Variants in FRMD7 observed in about 807,000 individuals in gnomAD.
The protein encoded by FRMD7 is FERM domain-containing protein 7.
In FRMD7, 14 loss-of-function variants were observed where a neutral mutation model predicts 44.1. The ratio of observed to expected loss-of-function variants is 0.32; its 90% confidence interval spans 0.21 to 0.50. The LOEUF (loss-of-function observed/expected upper bound fraction) is 0.50, where lower values mean the gene tolerates loss of function less well. FRMD7 is among the 20% of genes least tolerant of loss of function. The pLI is 0.99. For synonymous variants in FRMD7, 212 were observed against 187.4 expected, an observed-to-expected ratio of 1.13 and a Z score of -1.07; for missense variants, 501 against 522.3, an observed-to-expected ratio of 0.96 and a Z score of 0.40.
intron 4 of FRMD7, among the ~76,000 whole-genome samples, chrX:132,095,850 GTTGCTAAAGGAAAGGTGAATTTCGTT>G (rs756247641): frequency 8.4e-4 from 95 of 112,553 alleles, no homozygotes; most frequent in African/African-American, 2.8e-3. Flanking sequence ...ATCAGCTTTA[GTTGCTAAAGGAAAGGTGAATTTCGTT>G]TTGCTCCTAG....
chrX:132,106,938 G>T (rs1928661370), intron 1 of FRMD7, among the ~76,000 whole-genome samples: 1 of 111,425 alleles, frequency 9.0e-6, no homozygotes, highest in Non-Finnish European at 1.9e-5. Context: ...CTTAATAGCT[G>T]GGTGATGAAA....
intron 5 of FRMD7, among the ~76,000 whole-genome samples, chrX:132,090,234 G>A (rs1309566203): frequency 1.1e-4 from 12 of 110,216 alleles, no homozygotes; most frequent in Admixed American, 4.8e-4. Context: ...AAAATTAGCC[G>A]GGCGTGGTGG....
chrX:132,103,565 A>T (rs1390921379), intron 1 of FRMD7, among the ~76,000 whole-genome samples: 1 of 111,134 alleles, frequency 9.0e-6, no homozygotes, highest in African/African-American at 3.3e-5. Flanking sequence ...CATAACTTGG[A>T]TTTATAATCT....
intron 1 of FRMD7, among the ~76,000 whole-genome samples, chrX:132,114,440 A>G (rs1313584205): frequency 1.8e-5 from 2 of 111,897 alleles, no homozygotes; most frequent in Non-Finnish European, 3.8e-5. Flanking sequence ...AATGTATAAA[A>G]TGCACACCAA....
At chrX:132,110,510 G>A (rs768024695) in intron 1 of FRMD7, among the ~76,000 whole-genome samples, 10 of 111,433 alleles carry the variant, frequency 9.0e-5, no homozygotes, top group Non-Finnish European at 1.3e-4. Flanking sequence ...AAGGGTTTGC[G>A]TCCATCATCG....
intron 1 of FRMD7, among the ~76,000 whole-genome samples, chrX:132,101,472 A>G (rs1036078895): frequency 1.8e-5 from 2 of 112,109 alleles, no homozygotes; most frequent in East Asian, 2.8e-4. Flanking sequence ...ACTTACCTCA[A>G]GCATAGCACT....
chrX:132,127,047 T>C (rs773297243), intron 1 of FRMD7, among the ~76,000 whole-genome samples: 2 of 112,457 alleles, frequency 1.8e-5, no homozygotes. Context: ...AATGTAAATA[T>C]CAGAGCAAAT....
intron 1 of FRMD7, among the ~76,000 whole-genome samples, chrX:132,123,593 T>C (rs1306784842): frequency 8.9e-6 from 1 of 112,190 alleles, no homozygotes; most frequent in Non-Finnish European, 1.9e-5. Flanking sequence ...CAAGGGTAAA[T>C]TCCACCACTA....
chrX:132,095,770 A>G (rs1219359292), intron 4 of FRMD7, among the ~76,000 whole-genome samples: 1 of 112,666 alleles, frequency 8.9e-6, no homozygotes, highest in Non-Finnish European at 1.9e-5. Flanking sequence ...AAATGGACCA[A>G]TGGGAAACAA....
Position 132,078,342 on chromosome X carries a change from C to A in FRMD7, c.1675G>T (p.Gly559Cys). 2 of 1,211,352 alleles carry A rather than the reference C, an allele frequency of 1.7e-6. No homozygotes were observed. The highest frequency in any genetic ancestry group is 2.2e-6 in the Non-Finnish European group (2 of 895,032). ...VLQEAIARTSGRSNINVGLEE... is the reference protein window; with the variant it reads ...VLQEAIARTSCRSNINVGLEE... The stretch of plus-strand genomic sequence containing the variant: ...AGACCTACATTGATGTTGCTCCTAC[C>A]GCTAGTCCTGGCTATAGCTTCTTGG... The change falls in exon 12 of 12, where the codon GGT (glycine) becomes TGT (cysteine). Residue 559 changes from glycine (G) to cysteine (C), a missense_variant. By Grantham distance (159) the Gly-to-Cys change is radical. This residue lies in a region of FRMD7 where 453 missense variants were observed against 452.7 expected (regional missense o/e 1.00). Transcript: ENST00000298542.
At chrX:132,092,995 G>A (rs1461115711) in intron 5 of FRMD7, among the ~76,000 whole-genome samples, 1 of 111,038 alleles carries the variant, frequency 9.0e-6, no homozygotes, top group Non-Finnish European at 1.9e-5. Context: ...TTCCTTTACT[G>A]ACAAGTACTT....
intron 5 of FRMD7, among the ~76,000 whole-genome samples, chrX:132,092,236 T>C (rs1467932308): frequency 8.9e-6 from 1 of 112,008 alleles, no homozygotes; most frequent in Admixed American, 9.5e-5. Flanking sequence ...GGAGGGAGTG[T>C]CTGGCTAGAA....
rs768674964 is a variant in FRMD7, at chrX:132,113,812, A to T, written c.58-13096T>A. 2.4e-3 allele frequency among the ~76,000 whole-genome samples: 265 copies of T among 111,361 alleles called. 1 individual carries two copies. Among genetic ancestry groups the T allele is most frequent in the African/African-American group, 8.2e-3 (252 of 30,648 alleles). On this transcript the variant is annotated intron_variant, in intron 1 of 11. Transcript: ENST00000298542. ...CCAATTACACTCTTTTAGTTATTTT[A>T]AAATGTACAATTAAGTTATTATTGA...
At chrX:132,115,178 C>T (rs1270451542) in intron 1 of FRMD7, among the ~76,000 whole-genome samples, 1 of 112,367 alleles carries the variant, frequency 8.9e-6, no homozygotes, top group African/African-American at 3.2e-5. Flanking sequence ...GTCCTAAGTG[C>T]TAACTCACAC....
chrX:132,084,079 T>G (rs1008797030), intron 8 of FRMD7, among the ~76,000 whole-genome samples: 1 of 112,123 alleles, frequency 8.9e-6, no homozygotes, highest in Non-Finnish European at 1.9e-5. Flanking sequence ...TGCTTGTTTT[T>G]GGCATATACT....
At position 132,078,459 on chromosome X, in the gene FRMD7, G is replaced by C. The variant is rs61742429; in HGVS notation, c.1558C>G (p.His520Asp). The C allele has an allele frequency of 1.1e-3, 1,359 of 1,209,251 alleles. 8 individuals are homozygous for C. The African/African-American group carries it at 0.02, about 18-fold the overall frequency. ...PIRAEERTSP[H>D]SYVEPTAMKP... ...ATTGCAGTGGGCTCTACATAGCTAT[G>C]TGGACTTGTCCTTTCCTCTGCTCTA... The change falls in exon 12 of 12, where the codon CAT becomes GAT. Residue 520 changes from histidine (H) to aspartate (D), a missense_variant. This residue lies in a region of FRMD7 where 453 missense variants were observed against 452.7 expected (regional missense o/e 1.00). Transcript: ENST00000298542.
At chrX:132,107,321 T>C (rs1287736691) in intron 1 of FRMD7, among the ~76,000 whole-genome samples, 2 of 111,903 alleles carry the variant, frequency 1.8e-5, no homozygotes, top group Admixed American at 9.5e-5. Flanking sequence ...ATATTTCTTA[T>C]GACCCCTTCA....
intron 3 of FRMD7, 58 bp from the exon 4 acceptor site, chrX:132,097,402 TACACACACAC>T (rs762194321): frequency 1.0e-5 from 6 of 581,221 alleles, no homozygotes; most frequent in East Asian, 3.3e-5. Context: ...CAGTTATAGG[TACACACACAC>T]ACACACACAC....
At chrX:132,083,270 G>C (rs759936997) in intron 8 of FRMD7, among the ~76,000 whole-genome samples, 1 of 111,971 alleles carries the variant, frequency 8.9e-6, no homozygotes, top group Non-Finnish European at 1.9e-5. Flanking sequence ...AGTCTTTTTA[G>C]TGTAACAGTT....
Sources: gnomAD v4.1 joint callset for allele counts (sites outside exome capture counted in the v4.1 genomes callset) on GRCh38, gnomAD v4.1.1 for gene constraint, gnomAD v4.1.1 regional missense constraint, MANE v1.5 for transcripts, NCBI Gene and HGNC (gene_info 2026-07-23, HGNC 2026-07-21) for gene names.